Variants in PPP5C observed in about 807,000 individuals in gnomAD.
PPP5C encodes the protein serine/threonine-protein phosphatase 5.
A neutral mutation model predicts 66.7 loss-of-function variants in PPP5C; 21 were observed. That is an observed-to-expected ratio of 0.31 (90% CI 0.22 to 0.45). The LOEUF (loss-of-function observed/expected upper bound fraction) is 0.45. Ranked by LOEUF, PPP5C falls within the 20% of genes least tolerant of loss-of-function variation. PPP5C has a pLI of 1.00. For missense variants in PPP5C, 464 were observed against 675.9 expected, an observed-to-expected ratio of 0.69 and a Z score of 3.48; for synonymous variants, 246 against 257.4, an observed-to-expected ratio of 0.96 and a Z score of 0.43.
Position 46,376,673 on chromosome 19 carries a change from C to A in PPP5C, c.633+99C>A. 1 of 1,492,534 alleles carries A rather than the reference C, an allele frequency of 6.7e-7. No homozygotes were observed. The highest frequency in any genetic ancestry group is 9.1e-7 in the Non-Finnish European group (1 of 1,100,414). The allele number at this position is 1,492,534 out of a possible 1,614,324, so 92.5% of individuals were successfully genotyped here. ...GAGCAAAACGACAGGAGAAGGGCGG[C>A]CATGACAGCCAACACCAAACAGGAG... is the stretch of plus-strand genomic sequence containing the variant. On this transcript the variant is annotated intron_variant, in intron 4 of 12. Coordinates refer to ENST00000012443, the MANE Select transcript of PPP5C (RefSeq NM_006247.4). The surrounding 1 kb of genome is among the most constrained non-coding windows in gnomAD (Gnocchi z 5.1).
chr19:46,385,029 G>A (rs532741552), intron 7 of PPP5C, 120 bp downstream of exon 7: 5 of 763,830 alleles, frequency 6.5e-6, no homozygotes, highest in South Asian at 3.1e-5. Context: ...TGCACAGGGC[G>A]ACCTTTTAAG....
In PPP5C at chr19:46,361,128, A is replaced by ATTTTTTTTTTT. The variant is rs202038384; in HGVS notation, c.363+7139_363+7140insTTTTTTTTTTT. Among the ~76,000 whole-genome samples, 6 of 133,468 alleles carry ATTTTTTTTTTT rather than the reference A, an allele frequency of 4.5e-5. 1 individual carries two copies. Among genetic ancestry groups the ATTTTTTTTTTT allele is most frequent in the Non-Finnish European group, 6.3e-5 (4 of 63,130 alleles). 87.6% of individuals were successfully genotyped at this position (133,468 alleles called of 152,430 possible). A position where few individuals can be genotyped will look rare whatever the true frequency, so the allele number is the denominator to read the frequency against. On this transcript the variant is annotated intron_variant, in intron 2 of 12. Coordinates refer to ENST00000012443, the MANE Select transcript of PPP5C (RefSeq NM_006247.4). ...TTTACCCAAAAGATAAGTGAAAGAA[A>ATTTTTTTTTTT]ATTTTTTTTTTTTTTTTTTGAGACG...
intron 4 of PPP5C, chr19:46,382,350 C>A (rs1972807204): frequency 6.6e-6 from 1 of 152,236 alleles, no homozygotes; most frequent in Non-Finnish European, 1.5e-5. Context: ...CTTTGCATTG[C>A]CAGCTCTCAG....
chr19:46,359,034 T>C (rs192560537), intron 2 of PPP5C, among the ~76,000 whole-genome samples: 29 of 152,348 alleles, frequency 1.9e-4, no homozygotes, highest in African/African-American at 6.5e-4. Flanking sequence ...CTTTCTCATT[T>C]TTCCCTTTTG....
chr19:46,369,925 G>GAA (rs138135566), intron 2 of PPP5C, among the ~76,000 whole-genome samples: 7,137 of 135,730 alleles, frequency 0.053, 483 homozygotes, highest in Middle Eastern at 0.069. Flanking sequence ...GACTCCGTCT[G>GAA]GAAAAAAAAA....
intron 2 of PPP5C, among the ~76,000 whole-genome samples, chr19:46,372,365 T>C (rs1972608382): frequency 1.0e-5 from 1 of 95,270 alleles, no homozygotes; most frequent in African/African-American, 4.4e-5. Context: ...CATACCTGGC[T>C]AGCTTTTTGT....
chr19:46,369,645 A>AAT (rs1972551029), intron 2 of PPP5C, among the ~76,000 whole-genome samples: 1 of 137,840 alleles, frequency 7.3e-6, no homozygotes, highest in South Asian at 2.4e-4. Context: ...AAAAAAAAAA[A>AAT]GGCCAGGCAT....
At chr19:46,367,838 G>A (rs150308824) in intron 2 of PPP5C, among the ~76,000 whole-genome samples, 11 of 152,284 alleles carry the variant, frequency 7.2e-5, no homozygotes, top group African/African-American at 2.6e-4. Flanking sequence ...TGACTGTTGC[G>A]CCCCAGTCAG....
intron 2 of PPP5C, among the ~76,000 whole-genome samples, chr19:46,363,835 T>C (rs1330327859): frequency 6.6e-6 from 1 of 152,210 alleles, no homozygotes; most frequent in Non-Finnish European, 1.5e-5. Flanking sequence ...ACACAACATA[T>C]AGCACACATG....
At chr19:46,358,333 G>T (rs975129445) in intron 2 of PPP5C, among the ~76,000 whole-genome samples, 1 of 152,180 alleles carries the variant, frequency 6.6e-6, no homozygotes, top group Non-Finnish European at 1.5e-5. Context: ...GGTGAGACCA[G>T]TCAGGTTTGC....
intron 2 of PPP5C, among the ~76,000 whole-genome samples, chr19:46,357,607 G>A (rs1034807616): frequency 3.3e-5 from 5 of 152,090 alleles, no homozygotes; most frequent in African/African-American, 1.2e-4. Flanking sequence ...TTATTTTGCC[G>A]GTGATTCTGA....
intron 2 of PPP5C, among the ~76,000 whole-genome samples, chr19:46,363,307 CAAAAAAAAAAAAAAAAAAAAAAAAAAAA>C (rs1158423038): frequency 7.2e-5 from 2 of 27,948 alleles, no homozygotes; most frequent in African/African-American, 3.7e-4. Context: ...GACTCCATCT[CAAAAAAAAAAAAAAAAAAAAAAAAAAAA>C]AAAAAAAAAA....
At chr19:46,387,695 C>T (rs2147405926) in intron 9 of PPP5C, 1 of 1,437,948 alleles carries the variant, frequency 7.0e-7, no homozygotes, top group Non-Finnish European at 9.2e-7. Flanking sequence ...GCACACCTGT[C>T]CTTATTTATT....
In PPP5C at chr19:46,383,543, A is replaced by C. The variant is rs1972831516; in HGVS notation, c.699+67A>C. The stretch of plus-strand genomic sequence containing the variant: ...GGCTCTCTGGCTGGGGAGGGGCCAC[A>C]GAGCTCAGGAACTCACGGATCCACC... On this transcript the variant is annotated intron_variant, in intron 5 of 12. Transcript: ENST00000012443. This position sits in a 1 kb window ranked among gnomAD's most constrained non-coding sequence, Gnocchi z 5.0. 2.1e-6 allele frequency: 3 copies of C among 1,454,802 alleles called. No individual in the cohort carries two copies. The highest frequency in any genetic ancestry group is 4.0e-5 in the Admixed American group (2 of 50,128). The allele number at this position is 1,454,802 out of a possible 1,614,324, so 90.1% of individuals were successfully genotyped here. A position where few individuals can be genotyped will look rare whatever the true frequency, so the allele number is the denominator to read the frequency against.
At chr19:46,367,161 A>G (rs1357428808) in intron 2 of PPP5C, among the ~76,000 whole-genome samples, 1 of 152,228 alleles carries the variant, frequency 6.6e-6, no homozygotes, top group African/African-American at 2.4e-5. Context: ...ACCCACTCCC[A>G]TCCGGCCCTT....
Position 46,376,887 on chromosome 19 carries a change from C to CT in PPP5C, c.633+315dup, listed in dbSNP as rs1336900580. On this transcript the variant is annotated intron_variant, in intron 4 of 12. Transcript: ENST00000012443. The surrounding 1 kb of genome is among the most constrained non-coding windows in gnomAD (Gnocchi z 5.1). Reference sequence around the variant, plus strand: ...TTGCTTTGAGTTCTCATCCCAGGCTCTTGGGCGTCTGTGGCTGCTGGTTGT... The same window carrying CT: ...TTGCTTTGAGTTCTCATCCCAGGCTCTTTGGGCGTCTGTGGCTGCTGGTTGT... Among the ~76,000 whole-genome samples the CT allele has an allele frequency of 1.3e-5, 2 of 152,174 alleles. No individual in the cohort carries two copies. Among genetic ancestry groups the CT allele is most frequent in the Non-Finnish European group, 2.9e-5 (2 of 68,038 alleles).
chr19:46,382,271 G>A (rs376003388), intron 4 of PPP5C: 1 of 152,180 alleles, frequency 6.6e-6, no homozygotes, highest in South Asian at 2.1e-4. Flanking sequence ...CCTCGCACCA[G>A]GGTGAAAGCT....
At position 46,387,133 on chromosome 19, in the gene PPP5C, C is replaced by T. The variant is rs1292275649; in HGVS notation, c.945C>T (p.Phe315=). ...ACAACATGAACCAGATCTACGGTTTCGAGGGTGAGGTGAAGGCCAAGTACA... is the reference window on the plus strand; with the variant it reads ...ACAACATGAACCAGATCTACGGTTTTGAGGGTGAGGTGAAGGCCAAGTACA... ...ETDNMNQIYG[F]EGEVKAKYTA... is the part of the protein sequence containing the mutation. Residue 315 remains phenylalanine (F), a synonymous_variant, in exon 8 of 13, where the codon TTC becomes TTT. Transcript: ENST00000012443. 18 of 1,614,092 alleles carry T rather than the reference C, an allele frequency of 1.1e-5. No individual in the cohort carries two copies. Among genetic ancestry groups the T allele is most frequent in the South Asian group, 2.2e-5 (2 of 91,088 alleles).
Position 46,388,752 on chromosome 19 carries a change from C to A in PPP5C, c.1355+21C>A. ...TACTGGTATGTCTTTGCCTTTCCAGCCCAGGGCCTCTACCAAGCCACGGGT... is the reference window on the plus strand; with the variant it reads ...TACTGGTATGTCTTTGCCTTTCCAGACCAGGGCCTCTACCAAGCCACGGGT... On this transcript the variant is annotated intron_variant, in intron 11 of 12. Coordinates refer to ENST00000012443, the MANE Select transcript of PPP5C (RefSeq NM_006247.4). This position sits in a 1 kb window ranked among gnomAD's most constrained non-coding sequence, Gnocchi z 4.9. 1.9e-6 allele frequency: 3 copies of A among 1,605,186 alleles called. No individual in the cohort carries two copies. The highest frequency in any genetic ancestry group is 2.6e-6 in the Non-Finnish European group (3 of 1,173,988).
Sources: allele counts gnomAD v4.1 joint callset (sites outside exome capture counted in the v4.1 genomes callset), GRCh38; gene constraint gnomAD v4.1.1; non-coding constraint Gnocchi (gnomAD v3.1); transcripts MANE v1.5; gene names NCBI Gene and HGNC (gene_info 2026-07-23, HGNC 2026-07-21).